SPTLC3: variants seen among roughly 807,000 people sequenced by gnomAD.
The protein encoded by SPTLC3 is serine palmitoyltransferase long chain base subunit 3, also known as serine palmitoyltransferase 3.
A neutral mutation model predicts 59.3 loss-of-function variants in SPTLC3; 36 were observed. The observed-to-expected ratio is 0.61, with a 90% CI of 0.47 to 0.80. The LOEUF (loss-of-function observed/expected upper bound fraction) is 0.80, where lower values mean the gene tolerates loss of function less well. Ranked by LOEUF, SPTLC3 falls within the 30% of genes least tolerant of loss-of-function variation. The pLI is 0.00. For missense variants in SPTLC3, 625 were observed against 685.1 expected (o/e 0.91, Z 0.98); for synonymous variants, 257 against 240.8 (o/e 1.07, Z -0.62).
chr20:13,129,587 G>GT (rs2038074429), intron 9 of SPTLC3, among the ~76,000 whole-genome samples: 1 of 152,216 alleles, frequency 6.6e-6, no homozygotes, highest in East Asian at 1.9e-4. Context: ...ATTAGCTTGT[G>GT]TCTCAACAAA....
chr20:13,074,191 T>C, intron 3 of SPTLC3, 158 bp from the exon 4 acceptor site: 1 of 970,866 alleles, frequency 1.0e-6, no homozygotes, highest in East Asian at 2.5e-5. Context: ...AACCACCTCC[T>C]GCCAGCTCTG....
chr20:13,093,687 A>C, intron 6 of SPTLC3, 110 bp downstream of exon 6: 1 of 918,856 alleles, frequency 1.1e-6, no homozygotes, highest in Non-Finnish European at 1.6e-6. Flanking sequence ...AGCCTCATGA[A>C]ACACAATTAT....
At position 13,160,020 on chromosome 20, in the gene SPTLC3, T is replaced by C; in HGVS notation, c.1433T>C (p.Met478Thr). 6.2e-7 allele frequency: 1 copy of C among 1,613,700 alleles called. No individual in the cohort carries two copies. The highest frequency in any genetic ancestry group is 8.5e-7 in the Non-Finnish European group (1 of 1,179,796). Residue 478 changes from methionine (M) to threonine (T), a missense_variant, in exon 11 of 12, where the codon ATG (methionine) becomes ACG (threonine). Transcript: ENST00000399002. ...PGKVAAFARH[M>T]LEKKIGVVVV... is the part of the protein sequence containing the mutation. ...TCCTTAAGGGCTTTTGCAAGGCATA[T>C]GCTAGAGAAAAAAATTGGAGTGGTG... is the stretch of plus-strand genomic sequence containing the variant.
At chr20:13,074,040 G>T in intron 3 of SPTLC3, 1 of 640,226 alleles carries the variant, frequency 1.6e-6, no homozygotes. Flanking sequence ...CTGGAGCTGT[G>T]GCAGGTCCAA....
chr20:13,030,062 T>G (rs1376946970), intron 1 of SPTLC3, among the ~76,000 whole-genome samples: 2 of 152,184 alleles, frequency 1.3e-5, no homozygotes, highest in East Asian at 3.9e-4. Context: ...AGAAAAACTG[T>G]GGTTTGTAAT....
intron 1 of SPTLC3, among the ~76,000 whole-genome samples, chr20:13,033,745 G>C (rs1180741003): frequency 6.6e-6 from 1 of 152,156 alleles, no homozygotes; most frequent in African/African-American, 2.4e-5. Flanking sequence ...TTAATGAACA[G>C]AAAATATTTA....
In SPTLC3 at chr20:13,143,919, A is replaced by G. The variant is rs188180838; in HGVS notation, c.1280-10084A>G. Among the ~76,000 whole-genome samples the G allele has an allele frequency of 3.9e-5, 6 of 152,214 alleles. No individual in the cohort carries two copies. The East Asian group carries it at 1.2e-3, about 29-fold the overall frequency. On this transcript the variant is annotated intron_variant, in intron 9 of 11. Transcript: ENST00000399002. ...CATTTGCTGCCACCTTGGCTTCCTG[A>G]CTAGTCTTGCTACCTCCAGCTTTTC...
chr20:13,111,896 C>A (rs1398481554), intron 7 of SPTLC3, among the ~76,000 whole-genome samples: 4 of 152,206 alleles, frequency 2.6e-5, no homozygotes, highest in Non-Finnish European at 5.9e-5. Context: ...TTCCCATCAG[C>A]TACACAGAGA....
chr20:13,100,068 G>A (rs1320136888), intron 6 of SPTLC3, among the ~76,000 whole-genome samples: 3 of 152,282 alleles, frequency 2.0e-5, no homozygotes, highest in East Asian at 3.9e-4. Context: ...TGGAGAGGAG[G>A]AGGTTCTATT....
intron 9 of SPTLC3, among the ~76,000 whole-genome samples, chr20:13,149,757 G>T (rs145265726): frequency 1.3e-5 from 2 of 152,236 alleles, no homozygotes; most frequent in African/African-American, 4.8e-5. Context: ...TCTGGAAGCA[G>T]GGAAATGGTG....
intron 7 of SPTLC3, among the ~76,000 whole-genome samples, chr20:13,111,110 T>G (rs734262): frequency 0.3 from 46,333 of 151,990 alleles, 7,207 homozygotes; most frequent in Middle Eastern, 0.43. Flanking sequence ...ATAATAATAA[T>G]AAGAAGCTTG....
At chr20:13,043,347 C>T (rs1410454301) in intron 1 of SPTLC3, among the ~76,000 whole-genome samples, 1 of 152,218 alleles carries the variant, frequency 6.6e-6, no homozygotes, top group Non-Finnish European at 1.5e-5. Flanking sequence ...TCCTCATTCT[C>T]ACCCTGACTT....
intron 4 of SPTLC3, among the ~76,000 whole-genome samples, chr20:13,084,663 A>G (rs1317195950): frequency 1.3e-5 from 2 of 152,172 alleles, no homozygotes; most frequent in African/African-American, 2.4e-5. Context: ...GATGGTCTGC[A>G]TTTATCAGTT....
At chr20:13,082,360 T>C (rs539892866) in intron 4 of SPTLC3, among the ~76,000 whole-genome samples, 1 of 152,330 alleles carries the variant, frequency 6.6e-6, no homozygotes, top group Non-Finnish European at 1.5e-5. Flanking sequence ...TACTGCCCTA[T>C]ACTGCTCATA....
chr20:13,152,377 T>A (rs1256608144), intron 9 of SPTLC3, among the ~76,000 whole-genome samples: 1 of 152,162 alleles, frequency 6.6e-6, no homozygotes, highest in Non-Finnish European at 1.5e-5. Context: ...CCACCTGAAT[T>A]ACTCATGACA....
chr20:13,021,820 T>A (rs1366884352), intron 1 of SPTLC3, among the ~76,000 whole-genome samples: 1 of 152,166 alleles, frequency 6.6e-6, no homozygotes, highest in Non-Finnish European at 1.5e-5. Flanking sequence ...AAATCAACTA[T>A]CAGAGTGTCA....
Position 13,146,286 on chromosome 20 carries a change from G to C in SPTLC3, c.1280-7717G>C, listed in dbSNP as rs148043619. Among the ~76,000 whole-genome samples the C allele has an allele frequency of 2.2e-3, 338 of 152,232 alleles. 1 individual carries two copies. Among genetic ancestry groups the C allele is most frequent in the African/African-American group, 7.7e-3 (320 of 41,528 alleles). On this transcript the variant is annotated intron_variant, in intron 9 of 11. Coordinates refer to ENST00000399002, the MANE Select transcript of SPTLC3 (RefSeq NM_018327.4). ...ACTGGGATCTGCTTGAGGGAGGAGGGTGGGAGGAGGGAGAGGAGCAGAAGA... is the reference window on the plus strand; with the variant it reads ...ACTGGGATCTGCTTGAGGGAGGAGGCTGGGAGGAGGGAGAGGAGCAGAAGA...
intron 4 of SPTLC3, among the ~76,000 whole-genome samples, chr20:13,083,217 C>T (rs999671191): frequency 2.1e-4 from 32 of 152,110 alleles, no homozygotes; most frequent in Admixed American, 1.5e-3. Context: ...CAGACTTTCC[C>T]TATTTTTCAT....
chr20:13,054,843 T>G (rs906247266), intron 2 of SPTLC3, among the ~76,000 whole-genome samples: 26 of 152,050 alleles, frequency 1.7e-4, no homozygotes, highest in Non-Finnish European at 2.5e-4. Flanking sequence ...GTAGACAAGA[T>G]CTTCCAGGGT....
Sources: gnomAD v4.1 joint callset for allele counts (sites outside exome capture counted in the v4.1 genomes callset) on GRCh38, gnomAD v4.1.1 for gene constraint, MANE v1.5 for transcripts, NCBI Gene and HGNC (gene_info 2026-07-23, HGNC 2026-07-21) for gene names.